The following TMEM245 variants were observed in gnomAD, a reference collection of about 807,000 sequenced individuals.
The protein encoded by TMEM245 is transmembrane protein 245.
In TMEM245, 69 loss-of-function variants were observed where a neutral mutation model predicts 101.2. The observed-to-expected ratio is 0.68, with a 90% CI of 0.56 to 0.83. TMEM245 has a LOEUF of 0.83. TMEM245 is among the 40% of genes least tolerant of loss of function. The probability of loss-of-function intolerance (pLI) is 0.00; values close to 1 mark genes in which losing one functional copy is unlikely to be tolerated. For synonymous variants in TMEM245, 537 were observed against 449.8 expected (o/e 1.19, Z -2.45); for missense variants, 1,075 against 1,092.8 (o/e 0.98, Z 0.23).
chr9:109,083,407 T>C (rs865865248), intron 7 of TMEM245, among the ~76,000 whole-genome samples: 1 of 152,190 alleles, frequency 6.6e-6, no homozygotes, highest in African/African-American at 2.4e-5. Flanking sequence ...GCATGGAAAT[T>C]ACCAAGTCTC....
chr9:109,038,174 A>T, intron 14 of TMEM245, 57 bp from the exon 15 acceptor site: 1 of 1,384,582 alleles, frequency 7.2e-7, no homozygotes, highest in Non-Finnish European at 9.9e-7. Flanking sequence ...ATCGTGATTC[A>T]GAAAAATCAC....
intron 1 of TMEM245, among the ~76,000 whole-genome samples, chr9:109,118,069 T>C (rs1830777579): frequency 1.3e-5 from 2 of 152,268 alleles, no homozygotes; most frequent in South Asian, 4.1e-4. Flanking sequence ...AACATTTATC[T>C]GTATGTCTGT....
rs1829392736 is a variant in TMEM245 at position 109,073,414 on chromosome 9, T to C, written c.1474A>G (p.Ile492Val). 6.2e-7 allele frequency: 1 copy of C among 1,612,156 alleles called. No homozygotes were observed. The highest frequency in any genetic ancestry group is 8.5e-7 in the Non-Finnish European group (1 of 1,179,214). The part of the protein sequence containing the change: ...AKVHQESVHM[I>V]EVTSNLINET... ...TTAATCAAATTACTTGTGACTTCAA[T>C]CATGTGTACACTCTCTTGATGTACC... Residue 492 changes from isoleucine (I) to valine (V), a missense_variant, in exon 9 of 18, where the codon ATT (isoleucine) becomes GTT (valine). Coordinates refer to ENST00000374586, the MANE Select transcript of TMEM245 (RefSeq NM_032012.4).
intron 17 of TMEM245, among the ~76,000 whole-genome samples, chr9:109,025,776 C>A (rs1328962540): frequency 6.6e-6 from 1 of 152,178 alleles, no homozygotes; most frequent in Non-Finnish European, 1.5e-5. Context: ...CCTAAACAAG[C>A]CCACTATTAA....
chr9:109,055,852 T>C (rs1828817667), intron 12 of TMEM245, among the ~76,000 whole-genome samples: 1 of 152,138 alleles, frequency 6.6e-6, no homozygotes, highest in South Asian at 2.1e-4. Context: ...TAGGCTGATC[T>C]CAAACTCCCA....
intron 14 of TMEM245, among the ~76,000 whole-genome samples, chr9:109,047,074 T>A (rs951515184): frequency 6.6e-6 from 1 of 152,212 alleles, no homozygotes; most frequent in African/African-American, 2.4e-5. Flanking sequence ...TAGAAAAATG[T>A]CTCAGGCCAT....
intron 3 of TMEM245, among the ~76,000 whole-genome samples, chr9:109,105,151 C>G (rs1830377363): frequency 6.6e-6 from 1 of 151,808 alleles, no homozygotes; most frequent in Non-Finnish European, 1.5e-5. Flanking sequence ...TAAAACGCAA[C>G]AACAAAAAGG....
At chr9:109,088,125 G>A (rs952302141) in intron 5 of TMEM245, among the ~76,000 whole-genome samples, 2 of 152,226 alleles carry the variant, frequency 1.3e-5, no homozygotes, top group Non-Finnish European at 2.9e-5. Context: ...CTTCAAGTTT[G>A]GACCCTGTAT....
At chr9:109,045,343 G>A (rs552059370) in intron 14 of TMEM245, among the ~76,000 whole-genome samples, 2 of 152,236 alleles carry the variant, frequency 1.3e-5, no homozygotes, top group South Asian at 4.1e-4. Context: ...CAGCATGAGG[G>A]GAACGGCCGA....
intron 8 of TMEM245, among the ~76,000 whole-genome samples, chr9:109,080,120 T>C (rs1034371886): frequency 6.6e-6 from 1 of 152,020 alleles, no homozygotes; most frequent in Admixed American, 6.6e-5. Context: ...CTATGGGAAC[T>C]AAAGGAATAA....
At position 109,018,882 on chromosome 9, in the gene TMEM245, C is replaced by T. The variant is rs1182224162; in HGVS notation, c.*1578G>A. 1 of 151,844 alleles carries T rather than the reference C, an allele frequency of 6.6e-6. No homozygotes were observed. The highest frequency in any genetic ancestry group is 6.6e-5 in the Admixed American group (1 of 15,060). The allele number at this position is 151,844 out of a possible 1,614,324, so 9.4% of individuals were successfully genotyped here. A position where few individuals can be genotyped will look rare whatever the true frequency, so the allele number is the denominator to read the frequency against. On this transcript the variant is annotated 3_prime_UTR_variant, in exon 18 of 18. Transcript: ENST00000374586. ...TCCTGAGTAGCTCAGACTATAGCCA[C>T]ACCACCGTGCCCAGCTAATTTTTTT...
At chr9:109,112,067 T>C (rs1373409060) in intron 1 of TMEM245, among the ~76,000 whole-genome samples, 1 of 152,218 alleles carries the variant, frequency 6.6e-6, no homozygotes, top group Admixed American at 6.5e-5. Context: ...GGTAAGGCCA[T>C]TTATAAAAAC....
chr9:109,085,224 G>T (rs1031230652), intron 7 of TMEM245, among the ~76,000 whole-genome samples: 1 of 152,142 alleles, frequency 6.6e-6, no homozygotes, highest in East Asian at 1.9e-4. Context: ...TTCTGCCCTA[G>T]CATCCTGGGT....
chr9:109,072,032 T>C (rs906557271), intron 9 of TMEM245, among the ~76,000 whole-genome samples: 3 of 152,154 alleles, frequency 2.0e-5, no homozygotes, highest in African/African-American at 7.2e-5. Context: ...TGTCAATGAG[T>C]AGACATAGGT....
chr9:109,118,015 C>A (rs1202983289), intron 1 of TMEM245, among the ~76,000 whole-genome samples: 4 of 152,234 alleles, frequency 2.6e-5, no homozygotes, highest in African/African-American at 9.6e-5. Context: ...GACTTTGGAC[C>A]AATCACATTC....
chr9:109,074,952 C>T lies in TMEM245; in HGVS notation c.1450-1514G>A, dbSNP rs141534408. On this transcript the variant is annotated intron_variant, in intron 8 of 17. Coordinates refer to ENST00000374586, the MANE Select transcript of TMEM245 (RefSeq NM_032012.4). ...CAGCCAGAATGAATAAGGCCTGACA[C>T]GTTCTTGTGAGGACTTAGGCTAGCA... 3.7e-3 allele frequency among the ~76,000 whole-genome samples: 557 copies of T among 152,262 alleles called. 2 individuals are homozygous for T. The highest frequency in any genetic ancestry group is 0.027 in the Middle Eastern group (8 of 294).
chr9:109,102,389 A>C (rs143701599), intron 3 of TMEM245, among the ~76,000 whole-genome samples: 1 of 152,338 alleles, frequency 6.6e-6, no homozygotes, highest in African/African-American at 2.4e-5. Flanking sequence ...GTTAGATATT[A>C]CTCATTTATC....
intron 1 of TMEM245, among the ~76,000 whole-genome samples, chr9:109,111,408 G>A (rs1830563259): frequency 1.3e-5 from 2 of 152,098 alleles, no homozygotes; most frequent in Admixed American, 1.3e-4. Flanking sequence ...TTTCTTATCT[G>A]TATGCATAAG....
At chr9:109,096,216 C>T (rs1417777789) in intron 3 of TMEM245, among the ~76,000 whole-genome samples, 1 of 152,196 alleles carries the variant, frequency 6.6e-6, no homozygotes, top group East Asian at 1.9e-4. Flanking sequence ...GTGGCTCATG[C>T]CTGTAATCCC....
Sources: gnomAD v4.1 joint callset for allele counts (sites outside exome capture counted in the v4.1 genomes callset) on GRCh38, gnomAD v4.1.1 for gene constraint, MANE v1.5 for transcripts, NCBI Gene and HGNC (gene_info 2026-07-23, HGNC 2026-07-21) for gene names.